The following ZYG11A variants were observed in gnomAD, a reference collection of about 807,000 sequenced individuals.
The protein encoded by ZYG11A is zyg-11 family member A, cell cycle regulator, also known as protein zyg-11 homolog A.
Under a neutral mutation model 77.2 loss-of-function variants are expected in ZYG11A, and 62 were observed. The observed-to-expected ratio is 0.80, with a 90% CI of 0.65 to 0.99. ZYG11A has a LOEUF of 0.99. Among genes scored for constraint, ZYG11A ranks in the 50% least tolerant of loss-of-function variants. The probability of loss-of-function intolerance (pLI) is 0.00; values close to 1 mark genes in which losing one functional copy is unlikely to be tolerated. For missense variants in ZYG11A, 828 were observed against 896.8 expected (o/e 0.92, Z 0.98); for synonymous variants, 315 against 324.6 (o/e 0.97, Z 0.32).
chr1:52,862,261 G>C (rs548900830), intron 4 of ZYG11A, among the ~76,000 whole-genome samples: 3 of 151,384 alleles, frequency 2.0e-5, no homozygotes, highest in African/African-American at 7.3e-5. Context: ...TATAGTCCCA[G>C]CTACTTGGGT....
intron 8 of ZYG11A, among the ~76,000 whole-genome samples, chr1:52,875,263 A>G (rs1440485855): frequency 6.6e-6 from 1 of 152,230 alleles, no homozygotes; most frequent in African/African-American, 2.4e-5. Context: ...GTGGGGTGGC[A>G]GGCCAAAACC....
chr1:52,877,539 A>C, intron 8 of ZYG11A, 143 bp from the exon 9 acceptor site: 1 of 644,124 alleles, frequency 1.6e-6, no homozygotes, highest in Non-Finnish European at 2.5e-6. Flanking sequence ...TATTTTATAG[A>C]AAGAAAATAG....
intron 11 of ZYG11A, among the ~76,000 whole-genome samples, chr1:52,882,856 A>G (rs1646384025): frequency 6.6e-6 from 1 of 150,982 alleles, no homozygotes. Context: ...TTTTTTGTTA[A>G]TTTTTTTCTT....
At chr1:52,878,123 A>G (rs376207457) in intron 10 of ZYG11A, among the ~76,000 whole-genome samples, 154 bp downstream of exon 10, 1 of 152,244 alleles carries the variant, frequency 6.6e-6, no homozygotes, top group Non-Finnish European at 1.5e-5. Flanking sequence ...ATACTATTGT[A>G]TATCAGTTAT....
chr1:52,884,086 G>A (rs1646405735), intron 11 of ZYG11A, among the ~76,000 whole-genome samples: 1 of 151,876 alleles, frequency 6.6e-6, no homozygotes, highest in Admixed American at 6.6e-5. Flanking sequence ...CACCATGTTG[G>A]TCAGGCTTGT....
chr1:52,880,976 A>G (rs1646353374), intron 10 of ZYG11A, among the ~76,000 whole-genome samples: 1 of 152,230 alleles, frequency 6.6e-6, no homozygotes, highest in Non-Finnish European at 1.5e-5. Context: ...GTTTGTGGTA[A>G]TTTGTTACAC....
intron 4 of ZYG11A, 30 bp from the exon 5 acceptor site, chr1:52,863,951 C>T: frequency 6.5e-7 from 1 of 1,534,252 alleles, no homozygotes; most frequent in South Asian, 1.2e-5. Flanking sequence ...TTACTGGCAT[C>T]ATATGCACTA....
chr1:52,873,199 C>T (rs1646201441), intron 8 of ZYG11A, among the ~76,000 whole-genome samples: 1 of 152,060 alleles, frequency 6.6e-6, no homozygotes, highest in Admixed American at 6.5e-5. Context: ...GTACTCTCAG[C>T]TACTCAGGAG....
chr1:52,878,930 A>G (rs1646309980), intron 10 of ZYG11A, among the ~76,000 whole-genome samples: 1 of 138,036 alleles, frequency 7.2e-6, no homozygotes, highest in South Asian at 2.4e-4. Context: ...AGCCTGGGCA[A>G]CAAGAACGAA....
rs1646050722 is a variant in ZYG11A at position 52,867,630 on chromosome 1, G to C, written c.1483G>C (p.Ala495Pro). Residue 495 changes from alanine to proline, a missense_variant, in exon 7 of 14, where the codon GCT becomes CCT. Coordinates refer to ENST00000371528, the MANE Select transcript of ZYG11A (RefSeq NM_001004339.3). ...GGCAGTGAGTGTCACCTCTATTCTG[G>C]CTCTGCAGGTTTGTGATTTCTTAAA... ...TMAVSVTSIL[A>P]LQLSPEQTAQ... The C allele has an allele frequency of 6.4e-7, 1 of 1,551,954 alleles. No individual in the cohort carries two copies. The highest frequency in any genetic ancestry group is 8.7e-7 in the Non-Finnish European group (1 of 1,146,920).
rs767836854 is a variant in ZYG11A, at chr1:52,857,491, A to G, written c.750A>G (p.Ala250=). ...CCATGACCAAATCACAAATTCTTGC[A>G]GTCATTAGAGAACTTAAATGTCTGC... ...CLAMTKSQIL[A]VIRELKCLLH... Residue 250 remains alanine (A), a synonymous_variant, in exon 3 of 14, where the codon GCA becomes GCG. Coordinates refer to ENST00000371528, the MANE Select transcript of ZYG11A (RefSeq NM_001004339.3). 7 of 1,552,150 alleles carry G rather than the reference A, an allele frequency of 4.5e-6. No individual in the cohort carries two copies. The South Asian group carries it at 7.1e-5, about 16-fold the overall frequency.
chr1:52,892,396 G>T (rs112014152), intron 13 of ZYG11A, among the ~76,000 whole-genome samples: 12,071 of 150,530 alleles, frequency 0.08, 940 homozygotes, highest in East Asian at 0.21. Flanking sequence ...GGCGTGGTGG[G>T]GCATGCCTGT....
intron 11 of ZYG11A, 57 bp downstream of exon 11, chr1:52,881,722 T>A: frequency 7.6e-7 from 1 of 1,319,900 alleles, no homozygotes; most frequent in Non-Finnish European, 1.0e-6. Flanking sequence ...TTACAGAAAA[T>A]GTAGTTTCCT....
chr1:52,872,920 AAAAAG>A (rs1471548819), intron 8 of ZYG11A, among the ~76,000 whole-genome samples: 1 of 151,636 alleles, frequency 6.6e-6, no homozygotes, highest in Non-Finnish European at 1.5e-5. Flanking sequence ...GAAAGAAAGA[AAAAAG>A]AAATATTTTA....
intron 1 of ZYG11A, among the ~76,000 whole-genome samples, chr1:52,846,017 G>C (rs903346710): frequency 3.3e-5 from 5 of 151,910 alleles, no homozygotes; most frequent in Non-Finnish European, 5.9e-5. Context: ...TAAGTCTACT[G>C]TGTTGCTATA....
intron 10 of ZYG11A, among the ~76,000 whole-genome samples, chr1:52,879,983 C>G (rs541827442): frequency 6.6e-6 from 1 of 150,864 alleles, no homozygotes; most frequent in South Asian, 2.1e-4. Context: ...CCAGGATGGT[C>G]TCAATCTCTT....
chr1:52,886,684 C>T (rs1259407640), intron 12 of ZYG11A, among the ~76,000 whole-genome samples: 2 of 149,214 alleles, frequency 1.3e-5, no homozygotes, highest in Admixed American at 6.7e-5. Context: ...AGGCGTGTGC[C>T]ACCAGGCCCA....
intron 1 of ZYG11A, among the ~76,000 whole-genome samples, chr1:52,849,431 T>TC (rs1645662344): frequency 6.6e-6 from 1 of 151,564 alleles, no homozygotes. Context: ...TGGCGCGATC[T>TC]CCGCTCACTG....
At position 52,842,845 on chromosome 1, in the gene ZYG11A, C is replaced by G. The variant is rs756895943; in HGVS notation, c.-39C>G. The G allele has an allele frequency of 1.2e-5, 18 of 1,519,500 alleles. No homozygotes were observed. In the South Asian group the frequency reaches 1.8e-4, roughly 16 times the overall value. The allele number at this position is 1,519,500 out of a possible 1,614,324, so 94.1% of individuals were successfully genotyped here. A position where few individuals can be genotyped will look rare whatever the true frequency, so the allele number is the denominator to read the frequency against. Reference sequence around the variant, plus strand: ...TCGCGGGATCCGGGCTCCGGCTCGACGCCGGCTCTCTTTTTGACGCCCCGC... The same window carrying G: ...TCGCGGGATCCGGGCTCCGGCTCGAGGCCGGCTCTCTTTTTGACGCCCCGC... On this transcript the variant is annotated 5_prime_UTR_variant, in exon 1 of 14. Transcript: ENST00000371528.
Sources: allele counts gnomAD v4.1 joint callset (sites outside exome capture counted in the v4.1 genomes callset), GRCh38; gene constraint gnomAD v4.1.1; transcripts MANE v1.5; gene names NCBI Gene and HGNC (gene_info 2026-07-23, HGNC 2026-07-21).